Variants in GPC5 observed in about 807,000 individuals in gnomAD.
GPC5 encodes glypican 5.
Under a neutral mutation model 53.9 loss-of-function variants are expected in GPC5, and 47 were observed. The observed-to-expected ratio is 0.87, with a 90% CI of 0.69 to 1.11. The LOEUF is 1.11. GPC5 is among the 50% of genes most tolerant of loss of function. GPC5 has a pLI of 0.00. For synonymous variants in GPC5, 286 were observed against 263.3 expected, an observed-to-expected ratio of 1.09 and a Z score of -0.84; for missense variants, 748 against 713.1, an observed-to-expected ratio of 1.05 and a Z score of -0.56.
chr13:91,695,946 A>T (rs2035871095), intron 3 of GPC5, among the ~76,000 whole-genome samples: 1 of 152,210 alleles, frequency 6.6e-6, no homozygotes, highest in Admixed American at 6.5e-5. Flanking sequence ...AGTTTGCAGT[A>T]GACAGGCAAG....
At chr13:91,815,351 A>C (rs2038383286) in intron 5 of GPC5, among the ~76,000 whole-genome samples, 1 of 152,096 alleles carries the variant, frequency 6.6e-6, no homozygotes. Flanking sequence ...CCTGGAAGAC[A>C]AAGTAAAGTC....
chr13:91,574,628 A>G (rs776494357), intron 2 of GPC5, among the ~76,000 whole-genome samples: 1 of 152,152 alleles, frequency 6.6e-6, no homozygotes, highest in African/African-American at 2.4e-5. Flanking sequence ...TGCTGGCAAG[A>G]TGAAGTACAC....
intron 7 of GPC5, among the ~76,000 whole-genome samples, chr13:92,268,346 C>A (rs1247812177): frequency 6.7e-6 from 1 of 148,312 alleles, no homozygotes; most frequent in East Asian, 2.0e-4. Context: ...TGGTATATAT[C>A]TCTTTCTATA....
chr13:92,124,713 G>A (rs772703397), intron 6 of GPC5, among the ~76,000 whole-genome samples: 2 of 152,150 alleles, frequency 1.3e-5, no homozygotes, highest in Non-Finnish European at 2.9e-5. Context: ...ACAAGCTGCT[G>A]CATCAACTAA....
chr13:92,398,288 G>C (rs902863686), intron 7 of GPC5, among the ~76,000 whole-genome samples: 3 of 150,330 alleles, frequency 2.0e-5, no homozygotes, highest in African/African-American at 7.4e-5. Context: ...AATTAGCCGG[G>C]CGTAGTGGCG....
intron 7 of GPC5, among the ~76,000 whole-genome samples, chr13:92,634,871 G>A (rs1224886066): frequency 6.6e-6 from 1 of 151,626 alleles, no homozygotes; most frequent in Non-Finnish European, 1.5e-5. Context: ...AATATTTTAA[G>A]TTTCCTTATA....
In GPC5 at chr13:92,364,720, A is replaced by G. The variant is rs548572313; in HGVS notation, c.1561+219731A>G. On this transcript the variant is annotated intron_variant, in intron 7 of 7. Transcript: ENST00000377067. ...ACTCCAGTCTGGGTGACAGAGTGAG[A>G]GACTCCGTCTCAAACAAAAATAATA... Among the ~76,000 whole-genome samples, 3 of 151,968 alleles carry G rather than the reference A, an allele frequency of 2.0e-5. No individual in the cohort carries two copies. The East Asian group carries it at 5.8e-4, about 29-fold the overall frequency.
intron 7 of GPC5, among the ~76,000 whole-genome samples, chr13:92,382,246 G>T (rs1486633824): frequency 6.6e-6 from 1 of 152,006 alleles, no homozygotes; most frequent in Non-Finnish European, 1.5e-5. Context: ...AGGGATAAAA[G>T]ACTACAAATA....
intron 7 of GPC5, among the ~76,000 whole-genome samples, chr13:92,267,242 C>A (rs574020366): frequency 6.6e-5 from 10 of 152,118 alleles, no homozygotes; most frequent in African/African-American, 2.4e-4. Flanking sequence ...GTCTTCATAG[C>A]AAGGCTTTTT....
intron 5 of GPC5, among the ~76,000 whole-genome samples, chr13:91,763,876 C>T (rs1177077211): frequency 1.3e-5 from 2 of 152,124 alleles, no homozygotes; most frequent in African/African-American, 4.8e-5. Flanking sequence ...ATGCTCAAGT[C>T]CCAGCTATAA....
At chr13:91,962,022 C>T (rs1376940811) in intron 6 of GPC5, among the ~76,000 whole-genome samples, 1 of 152,088 alleles carries the variant, frequency 6.6e-6, no homozygotes, top group Admixed American at 6.6e-5. Flanking sequence ...GCAACTGATT[C>T]ATAAAAGAGA....
intron 7 of GPC5, among the ~76,000 whole-genome samples, chr13:92,373,711 CTG>C (rs1286156100): frequency 6.6e-6 from 1 of 152,166 alleles, no homozygotes; most frequent in African/African-American, 2.4e-5. Flanking sequence ...GGTTATAAAA[CTG>C]AAATTGTATA....
At chr13:92,366,133 G>A in intron 7 of GPC5, among the ~76,000 whole-genome samples, 1 of 151,676 alleles carries the variant, frequency 6.6e-6, no homozygotes, top group Non-Finnish European at 1.5e-5. Context: ...ATCACTAGGT[G>A]ATAGGAATTT....
At chr13:91,837,565 G>T (rs1333347967) in intron 5 of GPC5, among the ~76,000 whole-genome samples, 1 of 152,102 alleles carries the variant, frequency 6.6e-6, no homozygotes, top group Admixed American at 6.6e-5. Context: ...ACCACAAAGA[G>T]GCTCTAGCCT....
chr13:91,619,814 C>T (rs1379085176), intron 2 of GPC5, among the ~76,000 whole-genome samples: 1 of 152,090 alleles, frequency 6.6e-6, no homozygotes, highest in Non-Finnish European at 1.5e-5. Flanking sequence ...GATCTATGCT[C>T]AGTGGTGTGT....
chr13:92,761,273 A>G (rs547045064), intron 7 of GPC5, among the ~76,000 whole-genome samples: 1 of 152,254 alleles, frequency 6.6e-6, no homozygotes, highest in Admixed American at 6.5e-5. Flanking sequence ...GGCTCAAGCA[A>G]TTCTCTGCCT....
intron 7 of GPC5, among the ~76,000 whole-genome samples, chr13:92,566,172 G>T (rs1687004327): frequency 2.6e-5 from 4 of 151,916 alleles, no homozygotes; most frequent in Non-Finnish European, 5.9e-5. Flanking sequence ...GACCCCTAAA[G>T]GTCCTATACA....
At chr13:91,722,032 G>A (rs1201286830) in intron 3 of GPC5, among the ~76,000 whole-genome samples, 3 of 152,152 alleles carry the variant, frequency 2.0e-5, no homozygotes, top group Non-Finnish European at 4.4e-5. Context: ...TACCAATAAT[G>A]AGGGCTCAGT....
intron 2 of GPC5, among the ~76,000 whole-genome samples, chr13:91,573,734 A>G (rs2032030249): frequency 6.6e-6 from 1 of 152,174 alleles, no homozygotes; most frequent in Admixed American, 6.6e-5. Flanking sequence ...ACAGTCTTGG[A>G]CACTAAGCAA....
Sources: gnomAD v4.1 joint callset for allele counts (sites outside exome capture counted in the v4.1 genomes callset) on GRCh38, gnomAD v4.1.1 for gene constraint, MANE v1.5 for transcripts, NCBI Gene and HGNC (gene_info 2026-07-23, HGNC 2026-07-21) for gene names.